Variants in BCAS4 observed in about 807,000 individuals in gnomAD.
BCAS4 encodes breast carcinoma-amplified sequence 4.
A neutral mutation model predicts 15.7 loss-of-function variants in BCAS4; 9 were observed. That is an observed-to-expected ratio of 0.57 (90% confidence interval 0.34 to 1.00). The LOEUF is 1.00. Ranked by LOEUF, BCAS4 falls within the 50% of genes least tolerant of loss-of-function variation. The pLI, the probability that BCAS4 is intolerant of heterozygous loss-of-function variation, is 0.02. For missense variants in BCAS4, 225 were observed against 239.1 expected (o/e 0.94, Z 0.39); for synonymous variants, 101 against 99.5 (o/e 1.02, Z -0.09).
intron 4 of BCAS4, among the ~76,000 whole-genome samples, chr20:50,867,988 T>C (rs895418998): frequency 1.3e-5 from 2 of 152,212 alleles, no homozygotes; most frequent in Non-Finnish European, 2.9e-5. Flanking sequence ...AGCCTCAGAC[T>C]TTCCTTGTTT....
chr20:50,837,548 GA>G (rs2088424325), intron 3 of BCAS4, among the ~76,000 whole-genome samples: 1 of 152,224 alleles, frequency 6.6e-6, no homozygotes, highest in Admixed American at 6.5e-5. Flanking sequence ...AAAATATGCA[GA>G]AATCAGTCAT....
chr20:50,846,218 A>G (rs1444002781), intron 4 of BCAS4, among the ~76,000 whole-genome samples: 2 of 152,228 alleles, frequency 1.3e-5, no homozygotes, highest in Admixed American at 1.3e-4. Flanking sequence ...TTATGCTTTT[A>G]TATTGATCGT....
intron 3 of BCAS4, among the ~76,000 whole-genome samples, chr20:50,834,615 A>G (rs1303075467): frequency 6.6e-6 from 1 of 152,160 alleles, no homozygotes; most frequent in Non-Finnish European, 1.5e-5. Context: ...AAAGTATACC[A>G]TTTGGAGGTG....
At chr20:50,833,153 T>A (rs1406260504) in intron 3 of BCAS4, 3 of 152,438 alleles carry the variant, frequency 2.0e-5, no homozygotes, top group Admixed American at 2.0e-4. Context: ...AGGCAGGGGC[T>A]CCAGGCAGGA....
chr20:50,865,048 G>A (rs1038618127), intron 4 of BCAS4, among the ~76,000 whole-genome samples: 2 of 152,024 alleles, frequency 1.3e-5, no homozygotes, highest in Non-Finnish European at 2.9e-5. Flanking sequence ...AGCCGAGATC[G>A]CACCACTGCA....
chr20:50,855,100 C>T (rs1347453984), intron 4 of BCAS4, among the ~76,000 whole-genome samples: 1 of 152,188 alleles, frequency 6.6e-6, no homozygotes, highest in Non-Finnish European at 1.5e-5. Context: ...TTGGGTCCCA[C>T]CTCTCCCACT....
intron 2 of BCAS4, 40 bp downstream of exon 2, chr20:50,818,322 C>G (rs766844311): frequency 5.9e-6 from 7 of 1,186,864 alleles, no homozygotes; most frequent in Non-Finnish European, 6.7e-6. Context: ...AGGCCCAGGC[C>G]AGACTTCAGG....
At chr20:50,842,304 C>A (rs7352288) in intron 4 of BCAS4, among the ~76,000 whole-genome samples, 2 of 152,272 alleles carry the variant, frequency 1.3e-5, no homozygotes, top group East Asian at 3.9e-4. Context: ...GGGGGACGGG[C>A]GTCCCTCCTG....
At chr20:50,799,621 G>T (rs1425916828) in intron 1 of BCAS4, among the ~76,000 whole-genome samples, 2 of 152,188 alleles carry the variant, frequency 1.3e-5, no homozygotes, top group Non-Finnish European at 2.9e-5. Context: ...CGGCCTTAGG[G>T]GGCCTGGGCC....
intron 4 of BCAS4, among the ~76,000 whole-genome samples, chr20:50,861,387 G>A (rs1383956937): frequency 6.6e-6 from 1 of 152,202 alleles, no homozygotes; most frequent in Non-Finnish European, 1.5e-5. Flanking sequence ...TGCACCGTGT[G>A]GAGCCCACAG....
chr20:50,868,084 G>A (rs903329659), intron 4 of BCAS4, among the ~76,000 whole-genome samples: 2 of 152,172 alleles, frequency 1.3e-5, no homozygotes, highest in Admixed American at 6.5e-5. Flanking sequence ...TTTTTCTCAT[G>A]CTTAGACCAG....
At chr20:50,869,712 G>C (rs893677683) in intron 4 of BCAS4, among the ~76,000 whole-genome samples, 1 of 149,144 alleles carries the variant, frequency 6.7e-6, no homozygotes, top group Non-Finnish European at 1.5e-5. Context: ...GGCAAACTAT[G>C]GTCTAGGGAT....
At chr20:50,808,177 G>T (rs1379567646) in intron 1 of BCAS4, among the ~76,000 whole-genome samples, 1 of 152,218 alleles carries the variant, frequency 6.6e-6, no homozygotes, top group East Asian at 1.9e-4. Context: ...CTCCCAAAGT[G>T]CTGGGATTAC....
intron 1 of BCAS4, among the ~76,000 whole-genome samples, chr20:50,800,033 G>A (rs2087909190): frequency 6.6e-6 from 1 of 152,194 alleles, no homozygotes; most frequent in South Asian, 2.1e-4. Flanking sequence ...GGGCGACAGA[G>A]TGAGACCTAT....
intron 4 of BCAS4, among the ~76,000 whole-genome samples, chr20:50,868,365 A>G (rs569623055): frequency 3.9e-5 from 6 of 152,320 alleles, no homozygotes; most frequent in South Asian, 2.1e-4. Flanking sequence ...TGAGATTTGT[A>G]TCTTCTCCTT....
At chr20:50,860,405 C>T (rs1225262908) in intron 4 of BCAS4, among the ~76,000 whole-genome samples, 2 of 152,202 alleles carry the variant, frequency 1.3e-5, no homozygotes, top group Non-Finnish European at 2.9e-5. Context: ...CCACCCTAAC[C>T]CTTCCTGTCC....
chr20:50,811,153 C>G (rs1170167978), intron 1 of BCAS4, among the ~76,000 whole-genome samples: 2 of 152,034 alleles, frequency 1.3e-5, no homozygotes, highest in African/African-American at 4.8e-5. Context: ...TGGAGTAGGG[C>G]TGGGGAGGCC....
At chr20:50,879,789 T>A (rs1309588039), downstream of BCAS4, 2 of 152,486 alleles carry the variant, frequency 1.3e-5, no homozygotes, top group Non-Finnish European at 2.9e-5. Context: ...TCCGCTCCCA[T>A]GCCTCTTAGC....
intron 4 of BCAS4, among the ~76,000 whole-genome samples, chr20:50,875,407 T>A (rs1358232951): frequency 6.6e-6 from 1 of 152,114 alleles, no homozygotes; most frequent in Non-Finnish European, 1.5e-5. Context: ...TTTTGTTTTT[T>A]GAAAGAGTAG....
Sources: allele counts gnomAD v4.1 joint callset (sites outside exome capture counted in the v4.1 genomes callset), GRCh38; gene constraint gnomAD v4.1.1; transcripts MANE v1.5; gene names NCBI Gene and HGNC (gene_info 2026-07-23, HGNC 2026-07-21).